FHIT: variants seen among roughly 807,000 people sequenced by gnomAD.
FHIT encodes the protein bis(5'-adenosyl)-triphosphatase.
A neutral mutation model predicts 17.9 loss-of-function variants in FHIT; 19 were observed. That is an observed-to-expected ratio of 1.06 (90% CI 0.74 to 1.56). FHIT has a LOEUF of 1.56. Ranked by LOEUF, FHIT falls within the 40% of genes most tolerant of loss-of-function variation. FHIT has a pLI of 0.00. For synonymous variants in FHIT, 81 were observed against 69.7 expected (o/e 1.16, Z -0.81); for missense variants, 248 against 189.2 (o/e 1.31, Z -1.82).
At chr3:61,101,364 T>C (rs1173230093) in intron 2 of FHIT, among the ~76,000 whole-genome samples, 1 of 152,170 alleles carries the variant, frequency 6.6e-6, no homozygotes, top group Non-Finnish European at 1.5e-5. Flanking sequence ...AAAGATCAGA[T>C]GGTTGTAGAT....
At chr3:59,835,113 T>A (rs937519860) in intron 8 of FHIT, among the ~76,000 whole-genome samples, 1 of 152,164 alleles carries the variant, frequency 6.6e-6, no homozygotes, top group African/African-American at 2.4e-5. Context: ...CTAAGAGTTA[T>A]AATCTCCTCT....
chr3:60,177,233 G>A (rs1701717883), intron 5 of FHIT, among the ~76,000 whole-genome samples: 1 of 149,812 alleles, frequency 6.7e-6, no homozygotes, highest in African/African-American at 2.5e-5. Context: ...GAAGGAGAGA[G>A]AGGGTCAGGG....
intron 2 of FHIT, among the ~76,000 whole-genome samples, chr3:61,153,517 T>C (rs17064511): frequency 0.025 from 3,881 of 152,314 alleles, 184 homozygotes; most frequent in African/African-American, 0.088. Context: ...AAACATCTAA[T>C]GTCTTGGGCT....
chr3:59,963,556 T>C (rs1488602861), intron 7 of FHIT, among the ~76,000 whole-genome samples: 2 of 151,870 alleles, frequency 1.3e-5, no homozygotes, highest in African/African-American at 2.4e-5. Flanking sequence ...AGAAGAAAAA[T>C]GAACATTCAC....
At chr3:59,944,845 G>C (rs1423715075) in intron 7 of FHIT, among the ~76,000 whole-genome samples, 1 of 152,106 alleles carries the variant, frequency 6.6e-6, no homozygotes, top group African/African-American at 2.4e-5. Flanking sequence ...TGTTGCTGCA[G>C]AGGACATGAT....
intron 8 of FHIT, among the ~76,000 whole-genome samples, chr3:59,916,381 C>T (rs1208037586): frequency 1.3e-5 from 2 of 152,146 alleles, no homozygotes; most frequent in African/African-American, 2.4e-5. Flanking sequence ...TTTTGGGACT[C>T]GGACTGGCTT....
chr3:60,766,648 T>C (rs1699864648), intron 4 of FHIT, among the ~76,000 whole-genome samples: 1 of 98,296 alleles, frequency 1.0e-5, no homozygotes, highest in African/African-American at 7.1e-5. Flanking sequence ...CATGGGAGCC[T>C]TTTCAAATGG....
Position 61,241,457 on chromosome 3 carries a change from G to A in FHIT, c.-213+9844C>T, listed in dbSNP as rs114597389. ...TTTTTTCAAAACTAAGATGTGGGAA[G>A]AAGACTTCTCAGAAAATAAAAATCT... On this transcript the variant is annotated intron_variant, in intron 1 of 9. Transcript: ENST00000492590. Among the ~76,000 whole-genome samples the A allele has an allele frequency of 7.9e-3, 1,200 of 152,316 alleles. 10 individuals carry two copies. The highest frequency in any genetic ancestry group is 0.012 in the Non-Finnish European group (847 of 68,018).
chr3:60,379,314 T>A (rs1005829061), intron 5 of FHIT, among the ~76,000 whole-genome samples: 1 of 152,070 alleles, frequency 6.6e-6, no homozygotes. Flanking sequence ...ACTTCCTAGA[T>A]GAAATAGGTC....
At chr3:60,312,130 C>G (rs1708977446) in intron 5 of FHIT, among the ~76,000 whole-genome samples, 1 of 152,018 alleles carries the variant, frequency 6.6e-6, no homozygotes, top group African/African-American at 2.4e-5. Flanking sequence ...TAGATGCTCT[C>G]CTGTACTAAT....
chr3:59,833,364 T>C (rs1701230583), intron 8 of FHIT, among the ~76,000 whole-genome samples: 1 of 152,150 alleles, frequency 6.6e-6, no homozygotes, highest in South Asian at 2.1e-4. Context: ...AAGTTTGAGA[T>C]ACACATAATG....
chr3:60,624,992 T>A (rs2039245617), intron 4 of FHIT, among the ~76,000 whole-genome samples: 1 of 152,120 alleles, frequency 6.6e-6, no homozygotes, highest in Admixed American at 6.5e-5. Flanking sequence ...CACTGCAATC[T>A]CCGCCTCTCA....
chr3:60,894,436 C>T (rs917863798), intron 3 of FHIT, among the ~76,000 whole-genome samples: 14 of 152,054 alleles, frequency 9.2e-5, no homozygotes, highest in African/African-American at 3.1e-4. Context: ...ATTCTGTCAC[C>T]CCTTGACCCC....
intron 5 of FHIT, among the ~76,000 whole-genome samples, chr3:60,275,317 T>A (rs1707076258): frequency 6.6e-6 from 1 of 152,116 alleles, no homozygotes; most frequent in South Asian, 2.1e-4. Flanking sequence ...ACCCTCTCTG[T>A]GCCACAAACA....
At chr3:60,455,548 T>C (rs982579973) in intron 5 of FHIT, among the ~76,000 whole-genome samples, 3 of 152,126 alleles carry the variant, frequency 2.0e-5, no homozygotes, top group Non-Finnish European at 4.4e-5. Context: ...AGGCACATAG[T>C]GGGTTGCTTG....
At chr3:60,597,043 C>T (rs1553666818) in intron 4 of FHIT, among the ~76,000 whole-genome samples, 2 of 152,158 alleles carry the variant, frequency 1.3e-5, no homozygotes, top group Non-Finnish European at 2.9e-5. Flanking sequence ...TTTTACACAG[C>T]ACCATCCCCA....
chr3:60,050,366 A>G (rs1701822491), intron 5 of FHIT, among the ~76,000 whole-genome samples: 1 of 152,154 alleles, frequency 6.6e-6, no homozygotes, highest in Non-Finnish European at 1.5e-5. Context: ...AAGAAATTTC[A>G]TCTTTTCTAC....
chr3:59,808,928 T>C (rs1363116029), intron 8 of FHIT, among the ~76,000 whole-genome samples: 1 of 152,092 alleles, frequency 6.6e-6, no homozygotes, highest in Non-Finnish European at 1.5e-5. Flanking sequence ...AGAGGCATTG[T>C]GCTTGAAAAA....
chr3:60,004,070 A>G (rs1699829873), intron 7 of FHIT, among the ~76,000 whole-genome samples: 1 of 152,098 alleles, frequency 6.6e-6, no homozygotes, highest in African/African-American at 2.4e-5. Flanking sequence ...CCTATAGCAA[A>G]ATGACAACAG....
Sources: gnomAD v4.1 joint callset for allele counts (sites outside exome capture counted in the v4.1 genomes callset) on GRCh38, gnomAD v4.1.1 for gene constraint, MANE v1.5 for transcripts, NCBI Gene and HGNC (gene_info 2026-07-23, HGNC 2026-07-21) for gene names.